The following ST8SIA1 variants were observed in gnomAD, a reference collection of about 807,000 sequenced individuals.
ST8SIA1 encodes the protein ST8 alpha-N-acetyl-neuraminide alpha-2,8-sialyltransferase 1.
In ST8SIA1, 16 loss-of-function variants were observed where a neutral mutation model predicts 35.9. That is an observed-to-expected ratio of 0.45 (90% confidence interval 0.30 to 0.68). The LOEUF (loss-of-function observed/expected upper bound fraction) is 0.68, where lower values mean the gene tolerates loss of function less well. Ranked by LOEUF, ST8SIA1 falls within the 30% of genes least tolerant of loss-of-function variation. The probability of loss-of-function intolerance (pLI) is 0.09; values close to 1 mark genes in which losing one functional copy is unlikely to be tolerated. For synonymous variants in ST8SIA1, 170 were observed against 169.6 expected (o/e 1.00, Z -0.02); for missense variants, 383 against 453.6 (o/e 0.84, Z 1.41).
intron 4 of ST8SIA1, among the ~76,000 whole-genome samples, chr12:22,230,600 C>T (rs554925834): frequency 1.3e-5 from 2 of 152,278 alleles, no homozygotes; most frequent in South Asian, 4.1e-4. Flanking sequence ...TTCTTTAAAG[C>T]ATTTAGTTTC....
At chr12:22,230,279 C>T (rs7311007) in intron 4 of ST8SIA1, among the ~76,000 whole-genome samples, 1 of 151,942 alleles carries the variant, frequency 6.6e-6, no homozygotes, top group Admixed American at 6.6e-5. Flanking sequence ...GTTGCCATGA[C>T]ATGTAAACCA....
chr12:22,201,715 T>C lies in ST8SIA1; in HGVS notation c.908A>G (p.His303Arg), dbSNP rs768256763. The change falls in exon 5 of 5, where the codon CAT becomes CGT. Residue 303 changes from histidine (H) to arginine (R), a missense_variant. His to Arg is a conservative substitution (Grantham distance 29, BLOSUM62 0). Transcript: ENST00000396037. The stretch of plus-strand genomic sequence containing the variant: ...GTAGTGGTGGCTGATGGGCTGCTCA[T>C]GCATATTCACAGAGAAGGGCCAGAA... ...YGFWPFSVNM[H>R]EQPISHHYYD... 1.3e-5 allele frequency: 21 copies of C among 1,613,974 alleles called. No individual in the cohort carries two copies. Among genetic ancestry groups the C allele is most frequent in the Non-Finnish European group, 1.7e-5 (20 of 1,179,978 alleles).
chr12:22,333,719 T>A, intron 1 of ST8SIA1: 1 of 602,738 alleles, frequency 1.7e-6, no homozygotes. Flanking sequence ...TGTTTATCCG[T>A]AAATTGTTAA....
intron 1 of ST8SIA1, among the ~76,000 whole-genome samples, chr12:22,295,578 T>A (rs571096804): frequency 2.1e-4 from 32 of 151,678 alleles, no homozygotes; most frequent in African/African-American, 4.6e-4. Context: ...ACAAAAAAAA[T>A]TTTTAATTAG....
intron 1 of ST8SIA1, among the ~76,000 whole-genome samples, chr12:22,289,487 G>A (rs1368730342): frequency 6.6e-6 from 1 of 152,154 alleles, no homozygotes; most frequent in African/African-American, 2.4e-5. Flanking sequence ...TAAAAAAAAT[G>A]CTGTGTAAAC....
chr12:22,308,620 A>G (rs556705361), intron 1 of ST8SIA1, among the ~76,000 whole-genome samples: 15 of 152,262 alleles, frequency 9.9e-5, no homozygotes, highest in Middle Eastern at 3.4e-3. Flanking sequence ...TACCGCCTCT[A>G]TTTCTTCACC....
chr12:22,243,600 C>A lies in ST8SIA1; in HGVS notation c.584+5406G>T, dbSNP rs1009161487. 1.2e-4 allele frequency among the ~76,000 whole-genome samples: 18 copies of A among 152,222 alleles called. No individual in the cohort carries two copies. In the East Asian group the frequency reaches 3.1e-3, roughly 26 times the overall value. The stretch of plus-strand genomic sequence containing the variant: ...CAGCTGTATTTAACCAAGTTTCCAG[C>A]ACTTGCTACCTGTTTGATCCCTTCT... On this transcript the variant is annotated intron_variant, in intron 4 of 4. Coordinates refer to ENST00000396037, the MANE Select transcript of ST8SIA1 (RefSeq NM_003034.4).
At chr12:22,325,159 A>G (rs1866658668) in intron 1 of ST8SIA1, 1 of 344,396 alleles carries the variant, frequency 2.9e-6, no homozygotes, top group East Asian at 4.7e-5. Flanking sequence ...AATCAGACAA[A>G]TAATAAACAC....
chr12:22,197,699 G>C lies in ST8SIA1; in HGVS notation c.*3853C>G, dbSNP rs1421893605. On this transcript the variant is annotated 3_prime_UTR_variant, in exon 5 of 5. Transcript: ENST00000396037. ...TCAGTTATTTTCCATTTTAAGCCAT[G>C]TTGTCCAGATTGCTTCAGGTACAAG... 6.6e-6 allele frequency: 1 copy of C among 152,090 alleles called. No homozygotes were observed. The highest frequency in any genetic ancestry group is 2.4e-5 in the African/African-American group (1 of 41,418). The allele number at this position is 152,090 out of a possible 1,614,324, so 9.4% of individuals were successfully genotyped here.
chr12:22,259,440 A>C (rs563877082), intron 2 of ST8SIA1, among the ~76,000 whole-genome samples: 94 of 151,860 alleles, frequency 6.2e-4, no homozygotes, highest in Admixed American at 1.2e-3. Flanking sequence ...CAGACAAAAA[A>C]ACTTAATTGA....
intron 1 of ST8SIA1, among the ~76,000 whole-genome samples, chr12:22,296,521 A>C (rs1376885031): frequency 6.6e-6 from 1 of 151,932 alleles, no homozygotes; most frequent in Non-Finnish European, 1.5e-5. Context: ...CCTCTATTAG[A>C]CTCTTCAATT....
intron 4 of ST8SIA1, among the ~76,000 whole-genome samples, chr12:22,214,013 T>C (rs1027493349): frequency 8.5e-5 from 13 of 152,214 alleles, no homozygotes; most frequent in African/African-American, 3.1e-4. Flanking sequence ...TTCATTGTGA[T>C]ATGTAACACA....
At chr12:22,292,867 G>A (rs1866195975) in intron 1 of ST8SIA1, among the ~76,000 whole-genome samples, 2 of 151,888 alleles carry the variant, frequency 1.3e-5, no homozygotes, top group African/African-American at 4.8e-5. Context: ...ATCCAAACCT[G>A]CACATGTACC....
At chr12:22,216,861 GCTATTT>G (rs1235808474) in intron 4 of ST8SIA1, among the ~76,000 whole-genome samples, 2 of 152,106 alleles carry the variant, frequency 1.3e-5, no homozygotes, top group Non-Finnish European at 2.9e-5. Flanking sequence ...AGCAAAATAT[GCTATTT>G]CTTTTTTAAG....
In ST8SIA1 at chr12:22,266,848, T is replaced by TACACACAC. The variant is rs145606826; in HGVS notation, c.382-11467_382-11460dup. 6.7e-3 allele frequency among the ~76,000 whole-genome samples: 968 copies of TACACACAC among 145,034 alleles called. 9 individuals are homozygous for TACACACAC. The highest frequency in any genetic ancestry group is 0.023 in the African/African-American group (875 of 38,746). The stretch of plus-strand genomic sequence containing the variant: ...ACACCCACACACATACACAAAAGTA[T>TACACACAC]ACACACACACACACACACACACACA... On this transcript the variant is annotated intron_variant, in intron 2 of 4. Transcript: ENST00000396037.
chr12:22,286,100 G>C lies in ST8SIA1; in HGVS notation c.381+1049C>G, dbSNP rs540829416. ...TCTTAGTTATTTCCTTTGACACCTG[G>C]AAGCCTCCCAAGGGCAGATGAAGAG... On this transcript the variant is annotated intron_variant, in intron 2 of 4. Coordinates refer to ENST00000396037, the MANE Select transcript of ST8SIA1 (RefSeq NM_003034.4). Among the ~76,000 whole-genome samples, 27 of 152,224 alleles carry C rather than the reference G, an allele frequency of 1.8e-4. 1 individual carries two copies. The South Asian group carries it at 5.6e-3, about 32-fold the overall frequency.
intron 4 of ST8SIA1, among the ~76,000 whole-genome samples, chr12:22,228,136 G>A (rs1239821614): frequency 1.3e-5 from 2 of 152,212 alleles, no homozygotes; most frequent in African/African-American, 4.8e-5. Context: ...AAGTGGATGA[G>A]GAAAGAGAAG....
At chr12:22,229,545 G>A (rs897875905) in intron 4 of ST8SIA1, among the ~76,000 whole-genome samples, 28 of 151,046 alleles carry the variant, frequency 1.9e-4, no homozygotes, top group Non-Finnish European at 3.8e-4. Flanking sequence ...GAGCCCAGGC[G>A]GTCGAGTCTG....
At chr12:22,322,571 GC>G (rs1297076930) in intron 1 of ST8SIA1, among the ~76,000 whole-genome samples, 7 of 152,162 alleles carry the variant, frequency 4.6e-5, no homozygotes. Context: ...ATTTAGTAAG[GC>G]TGTGACCAGG....
Sources: allele counts gnomAD v4.1 joint callset (sites outside exome capture counted in the v4.1 genomes callset), GRCh38; gene constraint gnomAD v4.1.1; transcripts MANE v1.5; gene names NCBI Gene and HGNC (gene_info 2026-07-23, HGNC 2026-07-21).